Variants in SLMAP observed in about 807,000 individuals in gnomAD.
SLMAP encodes sarcolemmal membrane-associated protein.
A neutral mutation model predicts 128.8 loss-of-function variants in SLMAP; 44 were observed. That is an observed-to-expected ratio of 0.34 (90% CI 0.27 to 0.44). The LOEUF is 0.44. SLMAP is among the 20% of genes least tolerant of loss of function. The pLI, the probability that SLMAP is intolerant of heterozygous loss-of-function variation, is 1.00. For synonymous variants in SLMAP, 327 were observed against 348.8 expected, an observed-to-expected ratio of 0.94 and a Z score of 0.70; for missense variants, 787 against 985.3, an observed-to-expected ratio of 0.80 and a Z score of 2.69.
At chr3:57,887,629 G>T (rs942608089) in intron 14 of SLMAP, among the ~76,000 whole-genome samples, 8 of 152,196 alleles carry the variant, frequency 5.3e-5, no homozygotes, top group African/African-American at 1.9e-4. Flanking sequence ...TAGACAGATG[G>T]AGTCTTTACT....
chr3:57,860,148 C>T (rs532883615), intron 8 of SLMAP, among the ~76,000 whole-genome samples: 73 of 152,172 alleles, frequency 4.8e-4, no homozygotes, highest in Non-Finnish European at 5.4e-4. Flanking sequence ...TCCCAAAGTG[C>T]CACGGCCAGC....
Position 57,929,883 on chromosome 3 carries a change from A to G in SLMAP, c.*2594A>G, listed in dbSNP as rs571946480. Among the ~76,000 whole-genome samples the G allele has an allele frequency of 2.0e-5, 3 of 152,384 alleles. No individual in the cohort carries two copies. In the South Asian group the frequency reaches 6.2e-4, roughly 32 times the overall value. The stretch of plus-strand genomic sequence containing the variant: ...ATTAAAAAGATAATGTATGTGAAGT[A>G]CCATTCGAGTGGTGAATACGTTTTT... On this transcript the variant is annotated 3_prime_UTR_variant, in exon 25 of 25. Transcript: ENST00000671191.
Position 57,875,139 on chromosome 3 carries a change from G to A in SLMAP, c.1300+3441G>A, listed in dbSNP as rs1007221698. Among the ~76,000 whole-genome samples the A allele has an allele frequency of 4.6e-5, 7 of 152,178 alleles. No homozygotes were observed. In the South Asian group the frequency reaches 6.2e-4, roughly 14 times the overall value. ...TGATGTTTATGAGGACTGTGTAATA[G>A]CATGAGAAAATACTAAACAGGTAGT... On this transcript the variant is annotated intron_variant, in intron 14 of 24. Coordinates refer to ENST00000671191, the MANE Select transcript of SLMAP (RefSeq NM_001377540.1).
intron 17 of SLMAP, chr3:57,898,296 G>A (rs1347963245): frequency 2.6e-5 from 4 of 152,126 alleles, no homozygotes; most frequent in Non-Finnish European, 4.4e-5. Context: ...GTAAAATGTA[G>A]TTACTGATAC....
chr3:57,922,833 TAAC>T, intron 22 of SLMAP, 53 bp from the exon 23 acceptor site: 1 of 1,541,882 alleles, frequency 6.5e-7, no homozygotes, highest in Non-Finnish European at 8.9e-7. Flanking sequence ...ATTAGAACCA[TAAC>T]ATCATACCCA....
intron 22 of SLMAP, among the ~76,000 whole-genome samples, chr3:57,919,827 G>C (rs1394042966): frequency 1.3e-5 from 2 of 151,726 alleles, no homozygotes; most frequent in Non-Finnish European, 2.9e-5. Context: ...AAAACATTGA[G>C]CACACAGTCC....
chr3:57,779,964 A>G (rs955804571), intron 2 of SLMAP, among the ~76,000 whole-genome samples: 2 of 151,820 alleles, frequency 1.3e-5, no homozygotes, highest in African/African-American at 2.4e-5. Flanking sequence ...ATTCATATTT[A>G]TATGCTTATA....
chr3:57,806,747 T>G (rs140146339), intron 2 of SLMAP, among the ~76,000 whole-genome samples: 272 of 152,330 alleles, frequency 1.8e-3, no homozygotes, highest in African/African-American at 6.1e-3. Flanking sequence ...TACCACATTT[T>G]ATTTATCCAA....
In SLMAP at chr3:57,860,880, T is replaced by C. The variant is rs760107504; in HGVS notation, c.828+41T>C. The C allele has an allele frequency of 6.1e-5, 91 of 1,487,042 alleles. 2 individuals carry two copies. The South Asian group carries it at 1.1e-3, about 19-fold the overall frequency. The allele number at this position is 1,487,042 out of a possible 1,614,324, so 92.1% of individuals were successfully genotyped here. A position where few individuals can be genotyped will look rare whatever the true frequency, so the allele number is the denominator to read the frequency against. On this transcript the variant is annotated intron_variant, in intron 9 of 24. Transcript: ENST00000671191. ...AAAAAATACTAAATAGTATTATGAG[T>C]GTTCAAAAAAATCTCAAGCATTCCA...
At chr3:57,762,723 T>G (rs886141007) in intron 2 of SLMAP, among the ~76,000 whole-genome samples, 1 of 147,752 alleles carries the variant, frequency 6.8e-6, no homozygotes, top group East Asian at 2.0e-4. Context: ...TTTTTTTTTT[T>G]TTTTTTTTTT....
At chr3:57,775,143 C>T (rs2081579859) in intron 2 of SLMAP, among the ~76,000 whole-genome samples, 1 of 141,356 alleles carries the variant, frequency 7.1e-6, no homozygotes, top group Non-Finnish European at 1.5e-5. Flanking sequence ...CAAGCTCCGC[C>T]TCCTGGGTTC....
chr3:57,869,660 A>ATATATATATATATATATATATAT, intron 13 of SLMAP, among the ~76,000 whole-genome samples: 1 of 81,368 alleles, frequency 1.2e-5, no homozygotes, highest in East Asian at 6.7e-4. Context: ...ATATATATAT[A>ATATATATATATATATATATATAT]ATATATATAA....
rs543018511 is a variant in SLMAP at position 57,824,701 on chromosome 3, C to A, written c.199-6682C>A. 5.9e-5 allele frequency among the ~76,000 whole-genome samples: 9 copies of A among 152,250 alleles called. No homozygotes were observed. The South Asian group carries it at 1.9e-3, about 32-fold the overall frequency. ...GAAATATGCATCTTCCAACTTTGTT[C>A]TTCTTTCTCAGGATTATATTGCCTA... On this transcript the variant is annotated intron_variant, in intron 2 of 24. Coordinates refer to ENST00000671191, the MANE Select transcript of SLMAP (RefSeq NM_001377540.1).
intron 2 of SLMAP, among the ~76,000 whole-genome samples, chr3:57,762,859 G>T (rs1035677625): frequency 2.0e-5 from 3 of 152,040 alleles, no homozygotes; most frequent in Middle Eastern, 3.4e-3. Flanking sequence ...GGGATTACAG[G>T]CATGAGCCAC....
intron 2 of SLMAP, among the ~76,000 whole-genome samples, chr3:57,799,713 T>C (rs1248436112): frequency 6.6e-6 from 1 of 152,344 alleles, no homozygotes; most frequent in South Asian, 2.1e-4. Flanking sequence ...GTATTTTTTT[T>C]ATTGCACCAC....
intron 2 of SLMAP, among the ~76,000 whole-genome samples, chr3:57,771,355 C>T (rs1159011605): frequency 1.3e-5 from 2 of 152,122 alleles, no homozygotes; most frequent in South Asian, 2.1e-4. Context: ...CTCAGCCTCC[C>T]GAGTATATGG....
intron 2 of SLMAP, among the ~76,000 whole-genome samples, chr3:57,804,174 A>G (rs2089273466): frequency 6.6e-6 from 1 of 152,204 alleles, no homozygotes; most frequent in Non-Finnish European, 1.5e-5. Context: ...ACCTTTTCTC[A>G]TCTTTTTTCA....
At chr3:57,844,050 G>A (rs2094118834) in intron 4 of SLMAP, among the ~76,000 whole-genome samples, 1 of 150,480 alleles carries the variant, frequency 6.6e-6, no homozygotes, top group South Asian at 2.1e-4. Flanking sequence ...AAAGTGCTGG[G>A]ATTACAGGCA....
chr3:57,922,464 T>C (rs1576473287), intron 22 of SLMAP, among the ~76,000 whole-genome samples: 1 of 149,880 alleles, frequency 6.7e-6, no homozygotes, highest in East Asian at 2.0e-4. Context: ...TCTCCCTCTG[T>C]CACCCAGGCT....
Sources: allele counts gnomAD v4.1 joint callset (sites outside exome capture counted in the v4.1 genomes callset), GRCh38; gene constraint gnomAD v4.1.1; transcripts MANE v1.5; gene names NCBI Gene and HGNC (gene_info 2026-07-23, HGNC 2026-07-21).